IQCM: variants seen among roughly 807,000 people sequenced by gnomAD.
The protein encoded by IQCM is IQ motif containing M, also known as IQ domain-containing protein M.
A neutral mutation model predicts 57.6 loss-of-function variants in IQCM; 45 were observed. The ratio of observed to expected loss-of-function variants is 0.78; its 90% confidence interval spans 0.62 to 1.00. The LOEUF (loss-of-function observed/expected upper bound fraction) is 1.00, where lower values mean the gene tolerates loss of function less well. Among genes scored for constraint, IQCM ranks in the 50% least tolerant of loss-of-function variants. The pLI, the probability that IQCM is intolerant of heterozygous loss-of-function variation, is 0.00. For missense variants in IQCM, 468 were observed against 511.6 expected (o/e 0.91, Z 0.82); for synonymous variants, 148 against 158.9 (o/e 0.93, Z 0.51).
At chr4:149,546,937 T>A (rs568282956) in intron 12 of IQCM, among the ~76,000 whole-genome samples, 1 of 151,590 alleles carries the variant, frequency 6.6e-6, no homozygotes, top group Non-Finnish European at 1.5e-5. Flanking sequence ...TTTCTTCTAG[T>A]GTTTTTATGG....
chr4:149,443,268 G>T (rs1736154167), intron 12 of IQCM, among the ~76,000 whole-genome samples: 2 of 151,942 alleles, frequency 1.3e-5, no homozygotes, highest in African/African-American at 4.8e-5. Flanking sequence ...AATATCTTTT[G>T]CAGCAACATC....
At chr4:149,723,316 G>C (rs1388142652) in intron 5 of IQCM, among the ~76,000 whole-genome samples, 1 of 151,908 alleles carries the variant, frequency 6.6e-6, no homozygotes, top group Non-Finnish European at 1.5e-5. Context: ...AGGACCTCCA[G>C]TATTATGTTG....
At chr4:149,604,871 G>A (rs185387106) in intron 8 of IQCM, among the ~76,000 whole-genome samples, 6 of 152,204 alleles carry the variant, frequency 3.9e-5, no homozygotes, top group Admixed American at 2.0e-4. Flanking sequence ...GGAGGTGATG[G>A]GGGGTGGGAG....
At chr4:149,557,474 A>G (rs989901822) in intron 10 of IQCM, among the ~76,000 whole-genome samples, 10 of 152,074 alleles carry the variant, frequency 6.6e-5, no homozygotes, top group African/African-American at 1.9e-4. Flanking sequence ...TTGATCACCA[A>G]CCTCAATGGG....
At chr4:149,423,449 G>A (rs907277308) in intron 13 of IQCM, among the ~76,000 whole-genome samples, 5 of 151,990 alleles carry the variant, frequency 3.3e-5, no homozygotes, top group African/African-American at 1.2e-4. Context: ...ATATTTGGGT[G>A]GGGACATAGA....
At chr4:149,594,874 A>G (rs943191303) in intron 8 of IQCM, among the ~76,000 whole-genome samples, 1 of 152,172 alleles carries the variant, frequency 6.6e-6, no homozygotes. Context: ...CTTTACTTCC[A>G]ACTATGTGGT....
chr4:149,644,858 C>T (rs1758506049), intron 7 of IQCM, among the ~76,000 whole-genome samples: 1 of 152,144 alleles, frequency 6.6e-6, no homozygotes, highest in Admixed American at 6.6e-5. Flanking sequence ...ATAAGAGAAG[C>T]ACTTCTCCAG....
At chr4:149,378,919 T>A (rs1730882670) in intron 13 of IQCM, among the ~76,000 whole-genome samples, 1 of 152,138 alleles carries the variant, frequency 6.6e-6, no homozygotes. Context: ...GGGCTGGGCC[T>A]ATGGTCCCTC....
chr4:149,702,556 T>G (rs1287503562), intron 5 of IQCM, among the ~76,000 whole-genome samples: 1 of 151,860 alleles, frequency 6.6e-6, no homozygotes, highest in Non-Finnish European at 1.5e-5. Context: ...TCTTTTCAAC[T>G]TCACAAGATG....
chr4:149,474,940 G>T (rs1160441787), intron 12 of IQCM, among the ~76,000 whole-genome samples: 1 of 152,004 alleles, frequency 6.6e-6, no homozygotes, highest in Non-Finnish European at 1.5e-5. Flanking sequence ...AGTAATAAGA[G>T]TTGGAGTCAG....
At chr4:149,463,351 C>A (rs779436239) in intron 12 of IQCM, among the ~76,000 whole-genome samples, 13 of 152,178 alleles carry the variant, frequency 8.5e-5, no homozygotes, top group Admixed American at 8.5e-4. Flanking sequence ...AACAAGCTTT[C>A]GTTAACACTA....
Position 149,512,091 on chromosome 4 carries a change from C to A in IQCM, c.1228+36364G>T, listed in dbSNP as rs937113974. Among the ~76,000 whole-genome samples, 11 of 152,270 alleles carry A rather than the reference C, an allele frequency of 7.2e-5. No homozygotes were observed. The East Asian group carries it at 2.1e-3, about 29-fold the overall frequency. ...CATGAAACTTTTTAAAAGGTTAAGT[C>A]CATTCCAAAAAGTTGTTCATGGGCC... is the stretch of plus-strand genomic sequence containing the variant. On this transcript the variant is annotated intron_variant, in intron 12 of 13. Coordinates refer to ENST00000636793, the MANE Select transcript of IQCM (RefSeq NM_001363507.2).
At chr4:149,558,936 C>T (rs1488019427) in intron 10 of IQCM, among the ~76,000 whole-genome samples, 2 of 152,172 alleles carry the variant, frequency 1.3e-5, no homozygotes, top group Admixed American at 6.5e-5. Context: ...GAAAACTGGA[C>T]TCAGTGTTAA....
intron 13 of IQCM, among the ~76,000 whole-genome samples, chr4:149,373,427 A>C (rs964540779): frequency 1.3e-5 from 2 of 152,118 alleles, no homozygotes; most frequent in Non-Finnish European, 2.9e-5. Flanking sequence ...TTTAACCTTG[A>C]CACTAACCCT....
At chr4:149,623,751 G>GTGTGTGTA (rs543588041) in intron 7 of IQCM, among the ~76,000 whole-genome samples, 1 of 151,218 alleles carries the variant, frequency 6.6e-6, no homozygotes, top group African/African-American at 2.4e-5. Context: ...GTGTGTGTGT[G>GTGTGTGTA]TACACATGTG....
At chr4:149,505,027 C>A (rs1743645138) in intron 12 of IQCM, among the ~76,000 whole-genome samples, 1 of 151,964 alleles carries the variant, frequency 6.6e-6, no homozygotes, top group East Asian at 1.9e-4. Context: ...AACCTCTAGA[C>A]CTGAGGAAAA....
chr4:149,456,567 G>T, intron 12 of IQCM, among the ~76,000 whole-genome samples: 1 of 152,016 alleles, frequency 6.6e-6, no homozygotes, highest in East Asian at 1.9e-4. Context: ...CCCATCACAT[G>T]AGCAGATCAG....
At chr4:149,518,027 G>A (rs142627693) in intron 12 of IQCM, among the ~76,000 whole-genome samples, 9 of 152,250 alleles carry the variant, frequency 5.9e-5, no homozygotes, top group African/African-American at 1.2e-4. Flanking sequence ...ACTAGTTGAG[G>A]TATGTTGTTA....
chr4:149,624,447 T>C (rs1756624240), intron 7 of IQCM, among the ~76,000 whole-genome samples: 1 of 152,186 alleles, frequency 6.6e-6, no homozygotes, highest in Non-Finnish European at 1.5e-5. Flanking sequence ...TAGTTGACAA[T>C]TAGCCCATTA....
Sources: allele counts gnomAD v4.1 joint callset (sites outside exome capture counted in the v4.1 genomes callset), GRCh38; gene constraint gnomAD v4.1.1; transcripts MANE v1.5; gene names NCBI Gene and HGNC (gene_info 2026-07-23, HGNC 2026-07-21).